Variants in ATP11A observed in about 807,000 individuals in gnomAD.
ATP11A encodes phospholipid-transporting ATPase IH.
ATP11A carries 81 observed loss-of-function variants against 154.4 expected under a neutral mutation model. The observed-to-expected ratio is 0.52, with a 90% CI of 0.44 to 0.63. The LOEUF (loss-of-function observed/expected upper bound fraction) is 0.63, where lower values mean the gene tolerates loss of function less well. Ranked by LOEUF, ATP11A falls within the 30% of genes least tolerant of loss-of-function variation. The pLI is 0.00. For missense variants in ATP11A, 1,316 were observed against 1,474.3 expected (o/e 0.89, Z 1.76); for synonymous variants, 623 against 585.9 (o/e 1.06, Z -0.91).
At chr13:112,818,266 A>G (rs111745410) in intron 6 of ATP11A, among the ~76,000 whole-genome samples, 972 of 73,886 alleles carry the variant, frequency 0.013, 3 homozygotes, top group African/African-American at 0.03. Context: ...TGACGGGGCG[A>G]TGACCGTTGG....
intron 1 of ATP11A, among the ~76,000 whole-genome samples, chr13:112,742,739 T>C (rs1055112366): frequency 4.6e-5 from 7 of 152,174 alleles, no homozygotes; most frequent in African/African-American, 1.4e-4. Flanking sequence ...CTCCCCGCAG[T>C]GTGGCTGGAT....
intron 25 of ATP11A, among the ~76,000 whole-genome samples, chr13:112,864,452 GCCCAT>G (rs1439080581): frequency 5.3e-5 from 5 of 94,926 alleles, no homozygotes; most frequent in African/African-American, 7.5e-5. Context: ...ATTCAGTGCA[GCCCAT>G]GCAGCTTCCC....
intron 17 of ATP11A, among the ~76,000 whole-genome samples, chr13:112,850,554 G>A (rs2079735419): frequency 6.6e-6 from 1 of 152,110 alleles, no homozygotes; most frequent in African/African-American, 2.4e-5. Context: ...AAATAACCTG[G>A]CAGGTTTCCT....
intron 1 of ATP11A, among the ~76,000 whole-genome samples, chr13:112,766,787 A>G: frequency 7.2e-6 from 1 of 139,156 alleles, no homozygotes; most frequent in Non-Finnish European, 1.6e-5. Flanking sequence ...TCCTGTGAGG[A>G]GGATGTGGGG....
At chr13:112,748,432 C>T (rs919874380) in intron 1 of ATP11A, among the ~76,000 whole-genome samples, 1 of 152,174 alleles carries the variant, frequency 6.6e-6, no homozygotes, top group Non-Finnish European at 1.5e-5. Flanking sequence ...ATAGCATGAT[C>T]TCAGCTTACT....
At chr13:112,815,089 T>C (rs17763986) in intron 5 of ATP11A, among the ~76,000 whole-genome samples, 28,295 of 152,180 alleles carry the variant, frequency 0.19, 2,748 homozygotes, top group African/African-American at 0.19. Flanking sequence ...TGAGACTGGC[T>C]GGAGCCCTGC....
rs1000068379 is a variant in ATP11A at position 112,880,016 on chromosome 13, T to C, written c.*9+1713T>C. On this transcript the variant is annotated intron_variant, in intron 29 of 29. Transcript: ENST00000375645. Reference sequence around the variant, plus strand: ...TTCTCCTCACCTGGGCGTTTGCCCATTCAGACGTGCAATTGTGCAATTCCA... The same window carrying C: ...TTCTCCTCACCTGGGCGTTTGCCCACTCAGACGTGCAATTGTGCAATTCCA... Among the ~76,000 whole-genome samples, 27 of 152,210 alleles carry C rather than the reference T, an allele frequency of 1.8e-4. 1 individual carries two copies. Among genetic ancestry groups the C allele is most frequent in the African/African-American group, 6.5e-4 (27 of 41,454 alleles).
At chr13:112,868,095 C>T (rs573709637) in intron 25 of ATP11A, among the ~76,000 whole-genome samples, 1 of 152,216 alleles carries the variant, frequency 6.6e-6, no homozygotes, top group South Asian at 2.1e-4. Flanking sequence ...CATTTTGATG[C>T]CACAAATGAG....
chr13:112,761,412 GT>G (rs1387939373), intron 1 of ATP11A, among the ~76,000 whole-genome samples: 1 of 152,180 alleles, frequency 6.6e-6, no homozygotes, highest in Non-Finnish European at 1.5e-5. Context: ...ACAGCATATT[GT>G]TATAATTGTT....
At chr13:112,833,816 C>A (rs930014606) in intron 14 of ATP11A, among the ~76,000 whole-genome samples, 1 of 152,168 alleles carries the variant, frequency 6.6e-6, no homozygotes, top group African/African-American at 2.4e-5. Flanking sequence ...ACACAAGTGC[C>A]CAGGAATGCC....
intron 16 of ATP11A, 57 bp downstream of exon 16, chr13:112,836,308 C>T: frequency 1.9e-6 from 2 of 1,067,356 alleles, no homozygotes; most frequent in South Asian, 1.5e-5. Flanking sequence ...GTGTTTTATT[C>T]TGATGACTAA....
chr13:112,886,786 T>C lies in ATP11A; in HGVS notation c.*4920T>C, dbSNP rs1321426682. On this transcript the variant is annotated 3_prime_UTR_variant, in exon 30 of 30. Transcript: ENST00000375645. ...CGTCACCATTTAAAATGTCTGTTCA[T>C]TATGTAATGTAATAAAAGAAGGTCT... The C allele has an allele frequency of 6.6e-6, 1 of 152,574 alleles. No homozygotes were observed. Among genetic ancestry groups the C allele is most frequent in the Non-Finnish European group, 1.5e-5 (1 of 68,050 alleles). 9.5% of individuals were successfully genotyped at this position (152,574 alleles called of 1,614,324 possible).
chr13:112,695,635 A>C (rs1885717913), intron 1 of ATP11A, among the ~76,000 whole-genome samples: 1 of 152,234 alleles, frequency 6.6e-6, no homozygotes, highest in Non-Finnish European at 1.5e-5. Flanking sequence ...AGGGATAAGA[A>C]CACTGTCTTC....
rs897290082 is a variant in ATP11A at position 112,859,108 on chromosome 13, C to T, written c.2668-285C>T. The T allele has an allele frequency of 7.5e-6, 3 of 400,482 alleles. No individual in the cohort carries two copies. The highest frequency in any genetic ancestry group is 5.3e-5 in the East Asian group (1 of 18,818). 24.8% of individuals were successfully genotyped at this position (400,482 alleles called of 1,614,324 possible). ...AGGATTCCTTATTCACTGTGCAGTT[C>T]GATTCTTTCCCGTTTATACTGATAC... On this transcript the variant is annotated intron_variant, in intron 22 of 29. Transcript: ENST00000375645. The surrounding 1 kb of genome is among the most constrained non-coding windows in gnomAD (Gnocchi z 4.3).
rs1364753771 is a variant in ATP11A at position 112,846,238 on chromosome 13, T to C, written c.1809+3859T>C. Among the ~76,000 whole-genome samples, 5 of 152,166 alleles carry C rather than the reference T, an allele frequency of 3.3e-5. No homozygotes were observed. The East Asian group carries it at 7.7e-4, about 23-fold the overall frequency. Reference sequence around the variant, plus strand: ...TTTTTCAGCAATTATTCTACAGATATTTTTCTTCCTTGCTCCCTTTCAGCA... The same window carrying C: ...TTTTTCAGCAATTATTCTACAGATACTTTTCTTCCTTGCTCCCTTTCAGCA... On this transcript the variant is annotated intron_variant, in intron 17 of 29. Coordinates refer to ENST00000375645, the MANE Select transcript of ATP11A (RefSeq NM_015205.3).
At chr13:112,719,205 A>G (rs1888864645) in intron 1 of ATP11A, among the ~76,000 whole-genome samples, 2 of 152,198 alleles carry the variant, frequency 1.3e-5, no homozygotes, top group African/African-American at 4.8e-5. Flanking sequence ...GTGAATAGTC[A>G]GGGGCCCTCA....
intron 1 of ATP11A, among the ~76,000 whole-genome samples, chr13:112,776,061 G>A (rs2139975628): frequency 6.6e-6 from 1 of 152,362 alleles, no homozygotes; most frequent in South Asian, 2.1e-4. Context: ...GGGAGCCCGT[G>A]GAGGCGGCTG....
intron 1 of ATP11A, among the ~76,000 whole-genome samples, chr13:112,767,578 C>G (rs1437497354): frequency 6.6e-6 from 1 of 151,968 alleles, no homozygotes; most frequent in East Asian, 1.9e-4. Flanking sequence ...GGCTATTTGC[C>G]TAACCACAGA....
At chr13:112,791,287 C>G (rs75354910) in intron 2 of ATP11A, among the ~76,000 whole-genome samples, 2 of 152,210 alleles carry the variant, frequency 1.3e-5, no homozygotes, top group Non-Finnish European at 2.9e-5. Flanking sequence ...GGAACCGCGG[C>G]GCCCCCTGCA....
Sources: allele counts gnomAD v4.1 joint callset (sites outside exome capture counted in the v4.1 genomes callset), GRCh38; gene constraint gnomAD v4.1.1; non-coding constraint Gnocchi (gnomAD v3.1); transcripts MANE v1.5; gene names NCBI Gene and HGNC (gene_info 2026-07-23, HGNC 2026-07-21).